Variants in B3GALT1 observed in about 807,000 individuals in gnomAD.
B3GALT1 encodes the protein UDP-Gal:betaGlcNAc beta 1,3-galactosyltransferase, polypeptide 1.
A neutral mutation model predicts 23.2 loss-of-function variants in B3GALT1; 10 were observed. That is an observed-to-expected ratio of 0.43 (90% CI 0.27 to 0.73). B3GALT1 has a LOEUF of 0.73. B3GALT1 is among the 30% of genes least tolerant of loss of function. B3GALT1 has a pLI of 0.21. For synonymous variants in B3GALT1, 156 were observed against 141.5 expected, an observed-to-expected ratio of 1.10 and a Z score of -0.73; for missense variants, 299 against 405.4, an observed-to-expected ratio of 0.74 and a Z score of 2.25.
intron 1 of B3GALT1, among the ~76,000 whole-genome samples, chr2:167,423,492 C>G (rs374998791): frequency 5.3e-5 from 8 of 152,134 alleles, no homozygotes; most frequent in African/African-American, 1.9e-4. Flanking sequence ...CAATACCAAA[C>G]GTTTCTCCCC....
chr2:167,404,619 G>T (rs985433015), intron 1 of B3GALT1, among the ~76,000 whole-genome samples: 1 of 152,172 alleles, frequency 6.6e-6, no homozygotes, highest in Non-Finnish European at 1.5e-5. Flanking sequence ...TCACTATAAT[G>T]TAAGTCCTCT....
chr2:167,442,090 T>C (rs2105313703), intron 1 of B3GALT1, among the ~76,000 whole-genome samples: 1 of 150,488 alleles, frequency 6.6e-6, no homozygotes, highest in Non-Finnish European at 1.5e-5. Context: ...CCATGTGATC[T>C]CATTGTTCAA....
intron 1 of B3GALT1, among the ~76,000 whole-genome samples, chr2:167,359,717 T>C (rs1017689228): frequency 5.3e-5 from 8 of 152,104 alleles, no homozygotes; most frequent in Admixed American, 5.2e-4. Context: ...TCTGGTTAAA[T>C]TCATCTTCAG....
chr2:167,631,475 A>G (rs1023328313), intron 2 of B3GALT1: 1 of 151,828 alleles, frequency 6.6e-6, no homozygotes, highest in Non-Finnish European at 1.5e-5. Flanking sequence ...ATAGATAAGT[A>G]TTTTTATGGT....
intron 1 of B3GALT1, among the ~76,000 whole-genome samples, chr2:167,442,578 G>T (rs904604115): frequency 6.6e-6 from 1 of 151,670 alleles, no homozygotes; most frequent in Admixed American, 6.6e-5. Flanking sequence ...ATTCTAACTG[G>T]TGTCAGATGG....
chr2:167,653,733 C>A (rs773999689), intron 3 of B3GALT1, among the ~76,000 whole-genome samples: 1 of 152,094 alleles, frequency 6.6e-6, no homozygotes, highest in Admixed American at 6.6e-5. Context: ...GTCTCCTTAA[C>A]ACCACAAGAA....
chr2:167,572,412 G>C (rs571331030), intron 2 of B3GALT1, among the ~76,000 whole-genome samples: 1 of 151,742 alleles, frequency 6.6e-6, no homozygotes, highest in Non-Finnish European at 1.5e-5. Context: ...TCCAGAAAAC[G>C]TTTTTCAGAT....
At chr2:167,400,166 C>CTCTGTGTGTG (rs1553517152) in intron 1 of B3GALT1, among the ~76,000 whole-genome samples, 1 of 145,696 alleles carries the variant, frequency 6.9e-6, no homozygotes, top group African/African-American at 2.5e-5. Context: ...ACATCTATGT[C>CTCTGTGTGTG]TGTGTGTGTG....
chr2:167,513,461 A>T (rs1000589719), intron 2 of B3GALT1, among the ~76,000 whole-genome samples: 3 of 152,228 alleles, frequency 2.0e-5, no homozygotes, highest in Non-Finnish European at 4.4e-5. Flanking sequence ...CATTTTTGAG[A>T]CAATATGGAA....
intron 2 of B3GALT1, among the ~76,000 whole-genome samples, chr2:167,547,775 CTT>C (rs1324046889): frequency 1.3e-5 from 2 of 151,456 alleles, no homozygotes; most frequent in Non-Finnish European, 2.9e-5. Context: ...TCTGACATAT[CTT>C]CCTTGCTTTA....
chr2:167,342,791 A>G (rs1355082597), intron 1 of B3GALT1, among the ~76,000 whole-genome samples: 2 of 152,132 alleles, frequency 1.3e-5, no homozygotes, highest in African/African-American at 4.8e-5. Flanking sequence ...CTAAACATAC[A>G]GGCTTTGACT....
chr2:167,812,960 T>TACACACAC (rs376818432), intron 3 of B3GALT1, among the ~76,000 whole-genome samples: 58 of 140,096 alleles, frequency 4.1e-4, no homozygotes, highest in African/African-American at 1.1e-3. Context: ...CATACATGCA[T>TACACACAC]ACACACACAC....
At chr2:167,711,706 T>C (rs916775309) in intron 3 of B3GALT1, among the ~76,000 whole-genome samples, 7 of 152,178 alleles carry the variant, frequency 4.6e-5, no homozygotes, top group Non-Finnish European at 1.0e-4. Context: ...GACTCATGCA[T>C]GTAATCCCAG....
At chr2:167,585,196 T>C (rs1388609654) in intron 2 of B3GALT1, among the ~76,000 whole-genome samples, 1 of 152,202 alleles carries the variant, frequency 6.6e-6, no homozygotes, top group Admixed American at 6.5e-5. Flanking sequence ...GAATGAATTT[T>C]ACAATTATCA....
intron 3 of B3GALT1, among the ~76,000 whole-genome samples, chr2:167,808,998 T>A (rs1050912094): frequency 6.6e-6 from 1 of 152,148 alleles, no homozygotes; most frequent in Non-Finnish European, 1.5e-5. Context: ...TATTCTTTTT[T>A]CTCTAAACTT....
intron 2 of B3GALT1, among the ~76,000 whole-genome samples, chr2:167,505,745 A>G (rs1699908480): frequency 1.3e-5 from 2 of 152,140 alleles, no homozygotes; most frequent in South Asian, 4.1e-4. Flanking sequence ...GACTCTTTCT[A>G]CTGAGTAAAT....
At chr2:167,554,481 G>A (rs1456296161) in intron 2 of B3GALT1, among the ~76,000 whole-genome samples, 1 of 152,152 alleles carries the variant, frequency 6.6e-6, no homozygotes, top group Non-Finnish European at 1.5e-5. Context: ...TTCAAAACCA[G>A]CATTATTTTA....
chr2:167,496,097 G>T (rs1026346007), intron 2 of B3GALT1, among the ~76,000 whole-genome samples: 5 of 152,072 alleles, frequency 3.3e-5, no homozygotes, highest in African/African-American at 9.7e-5. Context: ...TAGTACAAAT[G>T]TTGTTTAAGC....
chr2:167,318,273 C>T (rs372173915), intron 1 of B3GALT1, among the ~76,000 whole-genome samples: 6 of 151,296 alleles, frequency 4.0e-5, no homozygotes, highest in African/African-American at 7.3e-5. Context: ...TGCGGTGAGC[C>T]GAGATCACAC....
Sources: gnomAD v4.1 joint callset for allele counts (sites outside exome capture counted in the v4.1 genomes callset) on GRCh38, gnomAD v4.1.1 for gene constraint, MANE v1.5 for transcripts, NCBI Gene and HGNC (gene_info 2026-07-23, HGNC 2026-07-21) for gene names.